IFI44L: variants seen among roughly 807,000 people sequenced by gnomAD.
IFI44L encodes interferon-induced protein 44-like.
A neutral mutation model predicts 39.3 loss-of-function variants in IFI44L; 40 were observed. The ratio of observed to expected loss-of-function variants is 1.02; its 90% confidence interval spans 0.79 to 1.33. The LOEUF is 1.33. IFI44L is among the 40% of genes most tolerant of loss of function. The probability of loss-of-function intolerance (pLI) is 0.00; values close to 1 mark genes in which losing one functional copy is unlikely to be tolerated. For synonymous variants in IFI44L, 198 were observed against 182.3 expected (o/e 1.09, Z -0.69); for missense variants, 623 against 549.0 (o/e 1.13, Z -1.35).
chr1:78,627,996 C>G lies in IFI44L; in HGVS notation c.81C>G (p.Leu27=), dbSNP rs1557683522. The G allele has an allele frequency of 6.2e-7, 1 of 1,612,846 alleles. No individual in the cohort carries two copies. The highest frequency in any genetic ancestry group is 1.7e-5 in the Admixed American group (1 of 59,868). The change falls in exon 2 of 9, where the codon CTC becomes CTG. Residue 27 remains leucine (L), a synonymous_variant. Coordinates refer to ENST00000370751, the MANE Select transcript of IFI44L (RefSeq NM_006820.4). The stretch of plus-strand genomic sequence containing the variant: ...TTGGAAATGTTTCTTTGAGTCTTCT[C>G]TATAAGTCTAGTGTTCATGGAGGTA... ...KLLGNVSLSL[L]YKSSVHGGSI...
At chr1:78,638,301 A>G (rs1376584462) in intron 6 of IFI44L, among the ~76,000 whole-genome samples, 1 of 151,990 alleles carries the variant, frequency 6.6e-6, no homozygotes, top group Non-Finnish European at 1.5e-5. Context: ...GTTTTTTAGA[A>G]GTTGAATGTT....
At position 78,641,429 on chromosome 1, in the gene IFI44L, C is replaced by T; in HGVS notation, c.1150-6C>T. ...GACTTACACTTTTTAAATATACTTT[C>T]CACAGGTCATGAATGTCCATAAAAT... is the stretch of plus-strand genomic sequence containing the variant. On this transcript the variant is annotated splice_polypyrimidine_tract_variant and splice_region_variant and intron_variant, in intron 7 of 8. Transcript: ENST00000370751. 1 of 1,610,718 alleles carries T rather than the reference C, an allele frequency of 6.2e-7. No homozygotes were observed. Among genetic ancestry groups the T allele is most frequent in the Non-Finnish European group, 8.5e-7 (1 of 1,177,438 alleles).
intron 1 of IFI44L, among the ~76,000 whole-genome samples, chr1:78,621,554 G>A (rs1652273766): frequency 6.6e-6 from 1 of 152,132 alleles, no homozygotes; most frequent in African/African-American, 2.4e-5. Flanking sequence ...TTACAGGTGT[G>A]AGCCACCACA....
At chr1:78,623,232 T>C (rs752806089) in intron 1 of IFI44L, among the ~76,000 whole-genome samples, 2 of 152,160 alleles carry the variant, frequency 1.3e-5, no homozygotes, top group Non-Finnish European at 2.9e-5. Context: ...TTCAGTATTA[T>C]GTTGAATAGA....
chr1:78,633,873 G>C (rs1413580442), intron 4 of IFI44L, among the ~76,000 whole-genome samples: 1 of 151,976 alleles, frequency 6.6e-6, no homozygotes, highest in African/African-American at 2.4e-5. Flanking sequence ...AAATTTAATA[G>C]AAAGGTTGTA....
intron 6 of IFI44L, among the ~76,000 whole-genome samples, chr1:78,639,896 C>A (rs771945215): frequency 6.6e-6 from 1 of 152,006 alleles, no homozygotes; most frequent in Non-Finnish European, 1.5e-5. Flanking sequence ...CTTAAGTGAA[C>A]CTAGTTTTTA....
At chr1:78,623,396 G>GTTTTTTTTTTT (rs71078508) in intron 1 of IFI44L, among the ~76,000 whole-genome samples, 13 of 121,320 alleles carry the variant, frequency 1.1e-4, no homozygotes, top group Non-Finnish European at 1.5e-4. Context: ...AGTGTTTTTT[G>GTTTTTTTTTTT]TTTTTTTTTT....
intron 6 of IFI44L, among the ~76,000 whole-genome samples, chr1:78,638,543 A>G (rs542374658): frequency 6.6e-6 from 1 of 151,936 alleles, no homozygotes; most frequent in African/African-American, 2.4e-5. Flanking sequence ...GGTAATTTCT[A>G]TTGTTATATC....
chr1:78,642,131 T>C lies in IFI44L; in HGVS notation c.*322T>C, dbSNP rs1646994437. 8.1e-6 allele frequency: 3 copies of C among 368,668 alleles called. No homozygotes were observed. The East Asian group carries it at 1.6e-4, about 20-fold the overall frequency. The allele number at this position is 368,668 out of a possible 1,614,324, so 22.8% of individuals were successfully genotyped here. ...CTATATAGAGCTATGTGAGTACTAA[T>C]CACATTGAATAATAGTTATAAAATT... On this transcript the variant is annotated 3_prime_UTR_variant, in exon 9 of 9. Transcript: ENST00000370751.
At chr1:78,627,775 T>C (rs1652546057) in intron 1 of IFI44L, 131 bp from the exon 2 acceptor site, 6 of 410,146 alleles carry the variant, frequency 1.5e-5, no homozygotes, top group Non-Finnish European at 2.1e-5. Flanking sequence ...TGCTATATTT[T>C]TTGCCTTAAC....
Position 78,628,403 on chromosome 1 carries a change from A to G in IFI44L, c.478+10A>G. On this transcript the variant is annotated intron_variant, in intron 2 of 8. Transcript: ENST00000370751. ...GTTTTTCGAGTTGAAGGTTTGTAAA[A>G]TTAGATAATCCTACATCTCACATTA... is the stretch of plus-strand genomic sequence containing the variant. 1 of 1,397,428 alleles carries G rather than the reference A, an allele frequency of 7.2e-7. No homozygotes were observed. Among genetic ancestry groups the G allele is most frequent in the Non-Finnish European group, 9.9e-7 (1 of 1,014,602 alleles). 86.6% of individuals were successfully genotyped at this position (1,397,428 alleles called of 1,614,324 possible).
In IFI44L at chr1:78,629,799, G is replaced by T. The variant is rs749419757; in HGVS notation, c.607G>T (p.Val203Leu). The T allele has an allele frequency of 1.5e-5, 24 of 1,613,640 alleles. No homozygotes were observed. In the African/African-American group the frequency reaches 3.1e-4, roughly 21 times the overall value. The change falls in exon 4 of 9, where the codon GTG becomes TTG. Residue 203 changes from valine (V) to leucine (L), a missense_variant. Coordinates refer to ENST00000370751, the MANE Select transcript of IFI44L (RefSeq NM_006820.4). ...DLVSEIRILL[V>L]GPVGSGKSSF... ...GGTTTCAGAAATTCGTATTCTTTTGGTGGGTCCAGTTGGGTCTGGAAAGTC... is the reference window on the plus strand; with the variant it reads ...GGTTTCAGAAATTCGTATTCTTTTGTTGGGTCCAGTTGGGTCTGGAAAGTC...
chr1:78,641,328 T>G, intron 7 of IFI44L, 107 bp from the exon 8 acceptor site: 1 of 1,044,258 alleles, frequency 9.6e-7, no homozygotes, highest in South Asian at 1.6e-5. Context: ...CGAAGATAAC[T>G]TATTAAGCCA....
chr1:78,639,783 G>C (rs1037790215), intron 6 of IFI44L, among the ~76,000 whole-genome samples: 2 of 152,048 alleles, frequency 1.3e-5, no homozygotes, highest in Non-Finnish European at 2.9e-5. Context: ...AATTGTTGGG[G>C]CATTTATACT....
intron 1 of IFI44L, among the ~76,000 whole-genome samples, chr1:78,625,212 A>G (rs1652440892): frequency 6.6e-6 from 1 of 152,102 alleles, no homozygotes; most frequent in East Asian, 1.9e-4. Flanking sequence ...GAACATGTGT[A>G]AGATTGTGTA....
intron 4 of IFI44L, among the ~76,000 whole-genome samples, chr1:78,630,964 T>C (rs1296846685): frequency 6.6e-6 from 1 of 152,174 alleles, no homozygotes; most frequent in Non-Finnish European, 1.5e-5. Flanking sequence ...CTTGGTCCCA[T>C]TACCCAGATA....
intron 1 of IFI44L, among the ~76,000 whole-genome samples, chr1:78,622,510 A>G (rs912859748): frequency 6.6e-6 from 1 of 152,128 alleles, no homozygotes; most frequent in African/African-American, 2.4e-5. Flanking sequence ...ACTCTAAAAT[A>G]GCTCCTAATT....
chr1:78,643,160 T>TTTTTTTTTTTTTTTTTTTTTTTTTTTG lies in IFI44L; in HGVS notation c.*1351_*1352insTTTTTTTTTTTTTTTTTTTTTTTTTTG, dbSNP rs1367397714. The stretch of plus-strand genomic sequence containing the variant: ...AGATATTAAGAAAGCAAGAGTTTCT[T>TTTTTTTTTTTTTTTTTTTTTTTTTTTG]ATGTCCAGTTATGGAATATTTCCTA... On this transcript the variant is annotated 3_prime_UTR_variant, in exon 9 of 9. Transcript: ENST00000370751. 1.2e-4 allele frequency: 18 copies of TTTTTTTTTTTTTTTTTTTTTTTTTTTG among 151,858 alleles called. No individual in the cohort carries two copies. The highest frequency in any genetic ancestry group is 2.2e-4 in the Non-Finnish European group (15 of 67,964). 9.4% of individuals were successfully genotyped at this position (151,858 alleles called of 1,614,324 possible).
At chr1:78,640,171 G>T (rs1646965929) in intron 6 of IFI44L, among the ~76,000 whole-genome samples, 1 of 152,114 alleles carries the variant, frequency 6.6e-6, no homozygotes, top group South Asian at 2.1e-4. Flanking sequence ...GCAACACATT[G>T]TCCTTGGCGT....
Sources: allele counts gnomAD v4.1 joint callset (sites outside exome capture counted in the v4.1 genomes callset), GRCh38; gene constraint gnomAD v4.1.1; transcripts MANE v1.5; gene names NCBI Gene and HGNC (gene_info 2026-07-23, HGNC 2026-07-21).